The following PARP14 variants were observed in gnomAD, a reference collection of about 807,000 sequenced individuals.
PARP14 encodes the protein protein mono-ADP-ribosyltransferase PARP14.
Under a neutral mutation model 154.2 loss-of-function variants are expected in PARP14, and 59 were observed. The ratio of observed to expected loss-of-function variants is 0.38; its 90% CI spans 0.31 to 0.48. The LOEUF is 0.48. Among genes scored for constraint, PARP14 ranks in the 20% least tolerant of loss-of-function variants. The pLI is 0.98. For synonymous variants in PARP14, 720 were observed against 780.5 expected (o/e 0.92, Z 1.29); for missense variants, 1,734 against 2,131.6 (o/e 0.81, Z 3.67).
chr3:122,718,571 G>A lies in PARP14; in HGVS notation c.4420G>A (p.Glu1474Lys). 1 of 1,613,916 alleles carries A rather than the reference G, an allele frequency of 6.2e-7. No homozygotes were observed. The highest frequency in any genetic ancestry group is 1.1e-5 in the South Asian group (1 of 91,076). Reference sequence around the variant, plus strand: ...AGACTTTGATGAAAAGGAGTATCAGGAGTTGAATGAGCTGCAGAAGAAGTT... The same window carrying A: ...AGACTTTGATGAAAAGGAGTATCAGAAGTTGAATGAGCTGCAGAAGAAGTT... ...IKDFDEKEYQ[E>K]LNELQKKLNI... is the part of the protein sequence containing the mutation. Residue 1474 changes from glutamate (E) to lysine (K), a missense_variant, in exon 14 of 17, where the codon GAG becomes AAG. This residue lies in a region of PARP14 where 1,646 missense variants were observed against 1,976.0 expected (regional missense o/e 0.83). Coordinates refer to ENST00000474629, the MANE Select transcript of PARP14 (RefSeq NM_017554.3).
Position 122,701,143 on chromosome 3 carries a change from T to G in PARP14, c.2589T>G (p.Asn863Lys). ...GAGAGGGCAGACTCCTACCGGGCAA[T>G]GCCACCATCTCCAAGGCAGGAAAGC... Reference protein sequence around the residue: ...VKREGRLLPGNATISKAGKLP... With the variant: ...VKREGRLLPGKATISKAGKLP... Residue 863 changes from asparagine to lysine, a missense_variant, in exon 6 of 17, where the codon AAT becomes AAG. Asn to Lys is a moderately conservative substitution (Grantham distance 94). Coordinates refer to ENST00000474629, the MANE Select transcript of PARP14 (RefSeq NM_017554.3). The surrounding 1 kb of genome is among the most constrained non-coding windows in gnomAD (Gnocchi z 4.0). The G allele has an allele frequency of 6.2e-7, 1 of 1,613,916 alleles. No individual in the cohort carries two copies. The highest frequency in any genetic ancestry group is 2.2e-5 in the East Asian group (1 of 44,854).
intron 9 of PARP14, among the ~76,000 whole-genome samples, chr3:122,711,438 C>T (rs60977163): frequency 0.059 from 8,963 of 152,152 alleles, 330 homozygotes; most frequent in African/African-American, 0.098. Flanking sequence ...GGATAAAGTA[C>T]GCTTGTTCAT....
rs1217757480 is a variant in PARP14 at position 122,699,844 on chromosome 3, G to A, written c.1290G>A (p.Lys430=). Residue 430 remains lysine (K), a synonymous_variant, in exon 6 of 17, where the codon AAG becomes AAA. Transcript: ENST00000474629. ...TTTTGATTGAGTTTGATACACTTAA[G>A]GAGATGGTAATCTTAGCAGGGAAAT... The part of the protein sequence containing the change: ...DRILIEFDTL[K]EMVILAGKSE... 6.2e-7 allele frequency: 1 copy of A among 1,613,910 alleles called. No homozygotes were observed. Among genetic ancestry groups the A allele is most frequent in the Admixed American group, 1.7e-5 (1 of 60,030 alleles).
intron 14 of PARP14, among the ~76,000 whole-genome samples, chr3:122,719,472 C>T (rs752485991): frequency 7.9e-5 from 12 of 152,222 alleles, no homozygotes; most frequent in African/African-American, 2.9e-4. Context: ...TTCCTTGACA[C>T]ACATGGCAGG....
chr3:122,718,775 A>G lies in PARP14; in HGVS notation c.4624A>G (p.Asn1542Asp). 1 of 1,613,874 alleles carries G rather than the reference A, an allele frequency of 6.2e-7. No homozygotes were observed. The highest frequency in any genetic ancestry group is 2.2e-5 in the East Asian group (1 of 44,894). Residue 1542 changes from asparagine to aspartate, a missense_variant, in exon 14 of 17, where the codon AAT becomes GAT. Coordinates refer to ENST00000474629, the MANE Select transcript of PARP14 (RefSeq NM_017554.3). ...GTTTATAGAATGGCAGTATAATGAC[A>G]ATAACACTTCTCATTGTTTTAACAA... ...SEFIEWQYND[N>D]NTSHCFNKMT...
chr3:122,701,107 G>C lies in PARP14; in HGVS notation c.2553G>C (p.Gln851His), dbSNP rs371649310. 2.6e-5 allele frequency: 42 copies of C among 1,613,904 alleles called. No homozygotes were observed. The African/African-American group carries it at 5.5e-4, about 21-fold the overall frequency. ...AGPELQADCD[Q>H]IVKREGRLLP... ...CTGAGCTCCAGGCCGACTGTGACCAGATAGTGAAGAGAGAGGGCAGACTCC... is the reference window on the plus strand; with the variant it reads ...CTGAGCTCCAGGCCGACTGTGACCACATAGTGAAGAGAGAGGGCAGACTCC... The change falls in exon 6 of 17, where the codon CAG becomes CAC. Residue 851 changes from glutamine (Q) to histidine (H), a missense_variant. Physicochemically the swap from Gln to His is conservative, Grantham distance 24 (BLOSUM62 0). This residue lies in a region of PARP14 where 1,646 missense variants were observed against 1,976.0 expected (regional missense o/e 0.83). Transcript: ENST00000474629. The surrounding 1 kb of genome is among the most constrained non-coding windows in gnomAD (Gnocchi z 4.0).
intron 8 of PARP14, among the ~76,000 whole-genome samples, chr3:122,705,944 G>T (rs1446113594): frequency 6.6e-6 from 1 of 152,232 alleles, no homozygotes; most frequent in Non-Finnish European, 1.5e-5. Context: ...TGTGCAAGGT[G>T]ATGTGGATCG....
chr3:122,707,385 A>AAATAAATAAATC (rs1939192571), intron 8 of PARP14, among the ~76,000 whole-genome samples: 1 of 149,786 alleles, frequency 6.7e-6, no homozygotes, highest in Non-Finnish European at 1.5e-5. Flanking sequence ...CATCTCAAAT[A>AAATAAATAAATC]AATAAATAAA....
chr3:122,686,808 T>G, intron 2 of PARP14: 1 of 363,192 alleles, frequency 2.8e-6, no homozygotes, highest in African/African-American at 2.1e-5. Context: ...AGCTAAGATG[T>G]TTCTCTGATG....
At position 122,704,345 on chromosome 3, in the gene PARP14, C is replaced by T. The variant is rs544248517; in HGVS notation, c.3319-182C>T. On this transcript the variant is annotated intron_variant, in intron 7 of 16. Transcript: ENST00000474629. ...TCATTGTGAATGTGTTTAAGTCTCT[C>T]GCATTCTCTTTTCCTTTTCCTTGCC... is the stretch of plus-strand genomic sequence containing the variant. 2.2e-4 allele frequency among the ~76,000 whole-genome samples: 34 copies of T among 152,296 alleles called. No homozygotes were observed. The South Asian group carries it at 3.9e-3, about 18-fold the overall frequency.
chr3:122,685,310 C>G lies in PARP14; in HGVS notation c.313C>G (p.Leu105Val). Residue 105 changes from leucine to valine, a missense_variant, in exon 2 of 17, where the codon CTA (leucine) becomes GTA (valine). Transcript: ENST00000474629. ...CGATCATGTCTTTGAAGAGGAACTT[C>G]TAACAAAAGCAAGTAAACTTTAGGC... ...EIDHVFEEEL[L>V]TKESKTKEDV... 3.7e-6 allele frequency: 6 copies of G among 1,613,566 alleles called. No homozygotes were observed. Among genetic ancestry groups the G allele is most frequent in the Non-Finnish European group, 3.4e-6 (4 of 1,179,800 alleles).
chr3:122,697,519 G>A (rs1402524505), intron 5 of PARP14, among the ~76,000 whole-genome samples: 2 of 152,094 alleles, frequency 1.3e-5, no homozygotes, highest in Non-Finnish European at 2.9e-5. Flanking sequence ...CACCTATAAC[G>A]TTAATTTTTC....
Position 122,709,900 on chromosome 3 carries a change from T to G in PARP14, c.3619+1632T>G, listed in dbSNP as rs112526246. On this transcript the variant is annotated intron_variant, in intron 9 of 16. Transcript: ENST00000474629. ...TTTTGATGGGATTATTTGTTTTTTTTTTTGTTTGTTTGTTTGTTTTTTCTT... is the reference window on the plus strand; with the variant it reads ...TTTTGATGGGATTATTTGTTTTTTTGTTTGTTTGTTTGTTTGTTTTTTCTT... 4.8e-3 allele frequency among the ~76,000 whole-genome samples: 727 copies of G among 150,796 alleles called. 6 individuals are homozygous for G. The highest frequency in any genetic ancestry group is 0.02 in the South Asian group (94 of 4,774).
intron 9 of PARP14, among the ~76,000 whole-genome samples, chr3:122,711,340 A>G (rs1417383050): frequency 6.6e-6 from 1 of 152,162 alleles, no homozygotes; most frequent in Non-Finnish European, 1.5e-5. Flanking sequence ...ATCTATTGAG[A>G]TGATTATATG....
chr3:122,702,484 T>G lies in PARP14; in HGVS notation c.3081+849T>G, dbSNP rs570726739. ...ATCCGCCTGCTTCAGCCTCCCAAAG[T>G]GCTGGGATTAGAGGCGTGAGCCATC... On this transcript the variant is annotated intron_variant, in intron 6 of 16. Transcript: ENST00000474629. 2.6e-5 allele frequency among the ~76,000 whole-genome samples: 4 copies of G among 152,312 alleles called. No individual in the cohort carries two copies. The South Asian group carries it at 8.3e-4, about 32-fold the overall frequency.
chr3:122,693,619 G>T (rs1938606674), intron 4 of PARP14, among the ~76,000 whole-genome samples: 1 of 152,188 alleles, frequency 6.6e-6, no homozygotes, highest in Non-Finnish European at 1.5e-5. Context: ...CAGATGGATT[G>T]CCTGAGTCCA....
Position 122,730,084 on chromosome 3 carries a change from G to A in PARP14, c.*1487G>A, listed in dbSNP as rs894627514. ...ATACACATTGTCTCAATTCCTGTGAGGTCAGAATTATCTCTGCATTTGAAA... is the reference window on the plus strand; with the variant it reads ...ATACACATTGTCTCAATTCCTGTGAAGTCAGAATTATCTCTGCATTTGAAA... On this transcript the variant is annotated 3_prime_UTR_variant, in exon 17 of 17. Transcript: ENST00000474629. The A allele has an allele frequency of 1.3e-5, 2 of 152,154 alleles. No individual in the cohort carries two copies. Among genetic ancestry groups the A allele is most frequent in the Non-Finnish European group, 2.9e-5 (2 of 68,036 alleles). 9.4% of individuals were successfully genotyped at this position (152,154 alleles called of 1,614,324 possible). A position where few individuals can be genotyped will look rare whatever the true frequency, so the allele number is the denominator to read the frequency against.
In PARP14 at chr3:122,701,347, C is replaced by A. The variant is rs757806670; in HGVS notation, c.2793C>A (p.Gly931=). Residue 931 remains glycine (G), a synonymous_variant, in exon 6 of 17, where the codon GGC becomes GGA. Transcript: ENST00000474629. The surrounding 1 kb of genome is among the most constrained non-coding windows in gnomAD (Gnocchi z 4.0). ...CTGGAGTCTTTGGCTTTCCCTTAGG[C>A]CGATGCGTGGAGACCATTGTTTCTG... The part of the protein sequence containing the change: ...ISSGVFGFPL[G]RCVETIVSAI... 1 of 1,614,028 alleles carries A rather than the reference C, an allele frequency of 6.2e-7. No individual in the cohort carries two copies. Among genetic ancestry groups the A allele is most frequent in the South Asian group, 1.1e-5 (1 of 91,082 alleles).
chr3:122,720,499 T>C, intron 15 of PARP14, 111 bp downstream of exon 15: 1 of 1,000,650 alleles, frequency 1.0e-6, no homozygotes, highest in South Asian at 1.4e-5. Context: ...AAACCCAGAA[T>C]TAGAATTTGT....
Sources: allele counts gnomAD v4.1 joint callset (sites outside exome capture counted in the v4.1 genomes callset), GRCh38; gene constraint gnomAD v4.1.1; regional missense constraint gnomAD v4.1.1; non-coding constraint Gnocchi (gnomAD v3.1); transcripts MANE v1.5; gene names NCBI Gene and HGNC (gene_info 2026-07-23, HGNC 2026-07-21).